Variants in ATRIP observed in about 807,000 individuals in gnomAD.
ATRIP encodes ATR interacting protein, also known as ATR-interacting protein.
In ATRIP, 44 loss-of-function variants were observed where a neutral mutation model predicts 78.1. The observed-to-expected ratio is 0.56, with a 90% confidence interval of 0.44 to 0.72. The LOEUF (loss-of-function observed/expected upper bound fraction) is 0.72. ATRIP is among the 30% of genes least tolerant of loss of function. The pLI is 0.00. For synonymous variants in ATRIP, 388 were observed against 408.9 expected (o/e 0.95, Z 0.62); for missense variants, 927 against 980.2 (o/e 0.95, Z 0.72).
rs563420384 is a variant in ATRIP at position 48,453,966 on chromosome 3, C to A, written c.553-334C>A. ...GTAGAGGCAAGATCTTGCTATTTTG[C>A]CCAGGCTGGTCTCGAACTCCTGGGC... On this transcript the variant is annotated intron_variant, in intron 3 of 12. Transcript: ENST00000320211. Among the ~76,000 whole-genome samples, 37 of 151,888 alleles carry A rather than the reference C, an allele frequency of 2.4e-4. 1 individual carries two copies. In the South Asian group the frequency reaches 7.1e-3, roughly 29 times the overall value.
chr3:48,454,334 A>G lies in ATRIP; in HGVS notation c.587A>G (p.Asp196Gly). ...TTGCAGTCTGAACTCCAGTTTAAAG[A>G]TGCAGAGATGAATGAATTAAGGACA... ...QSLQSELQFK[D>G]AEMNELRTKL... Residue 196 changes from aspartate (D) to glycine (G), a missense_variant, in exon 4 of 13, where the codon GAT (aspartate) becomes GGT (glycine). By Grantham distance (94) the Asp-to-Gly change is moderately conservative. Coordinates refer to ENST00000320211, the MANE Select transcript of ATRIP (RefSeq NM_130384.3). 5 of 1,613,642 alleles carry G rather than the reference A, an allele frequency of 3.1e-6. No individual in the cohort carries two copies. Among genetic ancestry groups the G allele is most frequent in the Non-Finnish European group, 4.2e-6 (5 of 1,179,672 alleles).
chr3:48,450,595 T>C, intron 2 of ATRIP: 1 of 1,213,300 alleles, frequency 8.2e-7, no homozygotes, highest in Non-Finnish European at 1.1e-6. Flanking sequence ...CCAGATTTTT[T>C]TTTTTTTTTT....
At chr3:48,465,153 TC>T in intron 12 of ATRIP, 70 bp downstream of exon 12, 1 of 1,551,306 alleles carries the variant, frequency 6.4e-7, no homozygotes, top group Non-Finnish European at 8.7e-7. Flanking sequence ...CAAGTCAGAT[TC>T]CTGGGTGTCC....
In ATRIP at chr3:48,454,335, T is replaced by A; in HGVS notation, c.588T>A (p.Asp196Glu). 6.2e-7 allele frequency: 1 copy of A among 1,613,722 alleles called. No homozygotes were observed. The highest frequency in any genetic ancestry group is 1.7e-5 in the Admixed American group (1 of 59,998). ...TGCAGTCTGAACTCCAGTTTAAAGA[T>A]GCAGAGATGAATGAATTAAGGACAA... ...QSLQSELQFK[D>E]AEMNELRTKL... Residue 196 changes from aspartate (D) to glutamate (E), a missense_variant, in exon 4 of 13, where the codon GAT (aspartate) becomes GAA (glutamate). Asp to Glu is a conservative substitution (Grantham distance 45, BLOSUM62 2). Coordinates refer to ENST00000320211, the MANE Select transcript of ATRIP (RefSeq NM_130384.3).
At chr3:48,453,121 C>T (rs1048859473) in intron 3 of ATRIP, among the ~76,000 whole-genome samples, 1 of 152,130 alleles carries the variant, frequency 6.6e-6, no homozygotes, top group African/African-American at 2.4e-5. Flanking sequence ...TGGGCTCATG[C>T]AGTCCTCCCA....
Position 48,446,758 on chromosome 3 carries a change from C to T in ATRIP, c.-88C>T, listed in dbSNP as rs1575270037. The stretch of plus-strand genomic sequence containing the variant: ...GGGCACTCGCGGCGGAGGCAAGCGG[C>T]GGCGCGCGGACGGTTGGTCCAGTTC... On this transcript the variant is annotated 5_prime_UTR_variant, in exon 1 of 13. Coordinates refer to ENST00000320211, the MANE Select transcript of ATRIP (RefSeq NM_130384.3). The T allele has an allele frequency of 1.5e-6, 2 of 1,318,728 alleles. No homozygotes were observed. The highest frequency in any genetic ancestry group is 9.7e-7 in the Non-Finnish European group (1 of 1,031,428). The allele number at this position is 1,318,728 out of a possible 1,614,324, so 81.7% of individuals were successfully genotyped here. A position where few individuals can be genotyped will look rare whatever the true frequency, so the allele number is the denominator to read the frequency against.
rs1189466460 is a variant in ATRIP at position 48,460,149 on chromosome 3, T to G, written c.1095T>G (p.Ser365=). 1.9e-6 allele frequency: 3 copies of G among 1,613,658 alleles called. No homozygotes were observed. The highest frequency in any genetic ancestry group is 1.7e-5 in the Admixed American group (1 of 59,958). The part of the protein sequence containing the change: ...AGMSGLRTTG[S]YDGSFSLSAL... ...TGTCAGGCCTCAGGACCACAGGTTC[T>G]TATGATGGGTCATTTTCCCTCTCAG... The change falls in exon 8 of 13, where the codon TCT becomes TCG. Residue 365 remains serine (S), a synonymous_variant. Transcript: ENST00000320211.
At chr3:48,464,769 C>T (rs1196323299) in intron 11 of ATRIP, 62 bp from the exon 12 acceptor site, 33 of 1,601,106 alleles carry the variant, frequency 2.1e-5, no homozygotes, top group Admixed American at 6.7e-5. Context: ...CTAGGCTGAG[C>T]GGATTGTTAG....
Position 48,454,362 on chromosome 3 carries a change from G to A in ATRIP, c.615G>A (p.Lys205=). The A allele has an allele frequency of 6.2e-7, 1 of 1,613,912 alleles. No homozygotes were observed. The highest frequency in any genetic ancestry group is 8.5e-7 in the Non-Finnish European group (1 of 1,179,882). ...CAGAGATGAATGAATTAAGGACAAA[G>A]CTCCAGACCAGTGAACGAGCAAATA... The part of the protein sequence containing the change: ...KDAEMNELRT[K]LQTSERANKL... Residue 205 remains lysine (K), a synonymous_variant, in exon 4 of 13, where the codon AAG becomes AAA. Coordinates refer to ENST00000320211, the MANE Select transcript of ATRIP (RefSeq NM_130384.3).
chr3:48,459,357 A>G lies in ATRIP; in HGVS notation c.830-2A>G. 6.2e-7 allele frequency: 1 copy of G among 1,613,060 alleles called. No individual in the cohort carries two copies. Among genetic ancestry groups the G allele is most frequent in the Non-Finnish European group, 8.5e-7 (1 of 1,179,058 alleles). On this transcript the variant is annotated splice_acceptor_variant, in intron 5 of 12. Transcript: ENST00000320211. LOFTEE classifies it high-confidence loss of function. ...TTTGATTTACATTTTATCACATTTC[A>G]GATAGTAAGCCCCACAGTCTGAGAG...
rs2040227647 is a variant in ATRIP, at chr3:48,464,825, T to C, written c.2056-6T>C. ...CAGGCCTCAGTCTGCACCCCCCCTCTCTCAGGTGGTCAGAGCGCTCACGGT... is the reference window on the plus strand; with the variant it reads ...CAGGCCTCAGTCTGCACCCCCCCTCCCTCAGGTGGTCAGAGCGCTCACGGT... On this transcript the variant is annotated splice_region_variant and splice_polypyrimidine_tract_variant and intron_variant, in intron 11 of 12. Coordinates refer to ENST00000320211, the MANE Select transcript of ATRIP (RefSeq NM_130384.3). 1.2e-6 allele frequency: 2 copies of C among 1,605,098 alleles called. No individual in the cohort carries two copies. The highest frequency in any genetic ancestry group is 1.3e-5 in the African/African-American group (1 of 74,896).
At chr3:48,465,174 G>GC in intron 12 of ATRIP, 91 bp downstream of exon 12, 1 of 1,501,872 alleles carries the variant, frequency 6.7e-7, no homozygotes, top group Non-Finnish European at 9.0e-7. Context: ...CCCTCAGCAG[G>GC]CCCCCGCCCA....
Position 48,467,009 on chromosome 3 carries a change from C to T in ATRIP, c.*1455C>T, listed in dbSNP as rs750361996. 6.2e-7 allele frequency: 1 copy of T among 1,613,890 alleles called. No homozygotes were observed. Among genetic ancestry groups the T allele is most frequent in the South Asian group, 1.1e-5 (1 of 91,086 alleles). On this transcript the variant is annotated 3_prime_UTR_variant, in exon 13 of 13. Coordinates refer to ENST00000320211, the MANE Select transcript of ATRIP (RefSeq NM_130384.3). ...CCTTCCTGCGGCGCCAGCCACAGCC[C>T]TGGTGCCTGGTGGCACACAATGGTG...
rs1259815325 is a variant in ATRIP at position 48,446,768 on chromosome 3, A to C, written c.-78A>C. On this transcript the variant is annotated 5_prime_UTR_variant, in exon 1 of 13. Transcript: ENST00000320211. ...GGCGGAGGCAAGCGGCGGCGCGCGG[A>C]CGGTTGGTCCAGTTCTCCGGCCTGG... 13 of 1,324,282 alleles carry C rather than the reference A, an allele frequency of 9.8e-6. No homozygotes were observed. Among genetic ancestry groups the C allele is most frequent in the Middle Eastern group, 6.0e-4 (2 of 3,348 alleles). The allele number at this position is 1,324,282 out of a possible 1,614,324, so 82.0% of individuals were successfully genotyped here.
At chr3:48,451,003 A>G (rs911182606) in intron 2 of ATRIP, among the ~76,000 whole-genome samples, 1 of 151,564 alleles carries the variant, frequency 6.6e-6, no homozygotes, top group Non-Finnish European at 1.5e-5. Flanking sequence ...AGCCTGGCCA[A>G]CATGGTGAAA....
chr3:48,462,584 T>A (rs2040148004), intron 8 of ATRIP, among the ~76,000 whole-genome samples: 2 of 151,816 alleles, frequency 1.3e-5, no homozygotes, highest in Admixed American at 1.3e-4. Flanking sequence ...GCACCTGTAG[T>A]CCCAGCTACT....
At chr3:48,464,210 GAGGA>G in intron 10 of ATRIP, 78 bp downstream of exon 10, 1 of 1,271,092 alleles carries the variant, frequency 7.9e-7, no homozygotes. Flanking sequence ...TCTTTCCGCT[GAGGA>G]GAAACGGAGC....
chr3:48,459,932 C>T lies in ATRIP; in HGVS notation c.1055+16C>T. The T allele has an allele frequency of 8.8e-6, 14 of 1,593,580 alleles. No homozygotes were observed. Among genetic ancestry groups the T allele is most frequent in the Non-Finnish European group, 1.2e-5 (14 of 1,174,454 alleles). Reference sequence around the variant, plus strand: ...GGTTTGGCAGGTAAGCATAAGACTCCTGGAAAGCTTGTTTGGGAAGGAGCT... The same window carrying T: ...GGTTTGGCAGGTAAGCATAAGACTCTTGGAAAGCTTGTTTGGGAAGGAGCT... On this transcript the variant is annotated intron_variant, in intron 7 of 12. Coordinates refer to ENST00000320211, the MANE Select transcript of ATRIP (RefSeq NM_130384.3).
chr3:48,465,584 C>A lies in ATRIP; in HGVS notation c.*30C>A. ...CTGAGTGTCCAGCCACATGGTGGCA[C>A]CAGCACCACTCCTTTCCTTACCACA... On this transcript the variant is annotated 3_prime_UTR_variant, in exon 13 of 13. Coordinates refer to ENST00000320211, the MANE Select transcript of ATRIP (RefSeq NM_130384.3). The A allele has an allele frequency of 6.3e-7, 1 of 1,575,920 alleles. No individual in the cohort carries two copies. The highest frequency in any genetic ancestry group is 8.7e-7 in the Non-Finnish European group (1 of 1,145,512).
Sources: gnomAD v4.1 joint callset for allele counts (sites outside exome capture counted in the v4.1 genomes callset) on GRCh38, gnomAD v4.1.1 for gene constraint, MANE v1.5 for transcripts, NCBI Gene and HGNC (gene_info 2026-07-23, HGNC 2026-07-21) for gene names.